Variants in TTLL11 observed in about 807,000 individuals in gnomAD.
TTLL11 encodes tubulin tyrosine ligase like 11, also known as tubulin polyglutamylase TTLL11.
In TTLL11, 42 loss-of-function variants were observed where a neutral mutation model predicts 51.7. That is an observed-to-expected ratio of 0.81 (90% confidence interval 0.64 to 1.05). TTLL11 has a LOEUF of 1.05. TTLL11 is among the 50% of genes least tolerant of loss of function. TTLL11 has a pLI of 0.00. For missense variants in TTLL11, 799 were observed against 940.4 expected, an observed-to-expected ratio of 0.85 and a Z score of 1.97; for synonymous variants, 381 against 383.5, an observed-to-expected ratio of 0.99 and a Z score of 0.08.
At chr9:122,011,957 C>T (rs529341005) in intron 3 of TTLL11, among the ~76,000 whole-genome samples, 13 of 152,176 alleles carry the variant, frequency 8.5e-5, no homozygotes, top group Non-Finnish European at 1.8e-4. Context: ...TGCATGTTTG[C>T]GTGAGGGGAA....
intron 3 of TTLL11, among the ~76,000 whole-genome samples, chr9:121,992,159 TTC>T (rs1163135538): frequency 6.6e-6 from 1 of 152,170 alleles, no homozygotes; most frequent in Non-Finnish European, 1.5e-5. Flanking sequence ...GTTTCAAATC[TTC>T]TGTCTGGGTT....
intron 6 of TTLL11, among the ~76,000 whole-genome samples, chr9:121,935,964 G>C (rs572464298): frequency 2.6e-5 from 4 of 152,338 alleles, no homozygotes; most frequent in Admixed American, 2.0e-4. Context: ...CCGCTTCTGG[G>C]AAAAGCAGCC....
intron 6 of TTLL11, among the ~76,000 whole-genome samples, chr9:121,871,379 A>T (rs1588083830): frequency 1.3e-5 from 2 of 152,330 alleles, no homozygotes; most frequent in South Asian, 4.1e-4. Flanking sequence ...TTCTCACCTT[A>T]GACCTATATA....
chr9:121,868,697 T>TA lies in TTLL11; in HGVS notation c.1733+1799dup, dbSNP rs1838253381. On this transcript the variant is annotated intron_variant, in intron 7 of 8. Coordinates refer to ENST00000321582, the MANE Select transcript of TTLL11 (RefSeq NM_001139442.2). The stretch of plus-strand genomic sequence containing the variant: ...GAACCCCCACTGCAAAAGTTCCTGT[T>TA]ATATGAAAGAAAGTTCCTATTTAAG... Among the ~76,000 whole-genome samples, 4 of 152,344 alleles carry TA rather than the reference T, an allele frequency of 2.6e-5. No individual in the cohort carries two copies. In the South Asian group the frequency reaches 8.3e-4, roughly 32 times the overall value.
chr9:121,977,019 T>C (rs1842727280), intron 4 of TTLL11, among the ~76,000 whole-genome samples: 3 of 152,192 alleles, frequency 2.0e-5, no homozygotes, highest in Admixed American at 1.3e-4. Flanking sequence ...TCATCAACTC[T>C]TACTTTTTGG....
chr9:121,843,095 G>A (rs943233062), intron 8 of TTLL11, among the ~76,000 whole-genome samples: 5 of 152,040 alleles, frequency 3.3e-5, no homozygotes, highest in African/African-American at 1.2e-4. Context: ...CCAGCACTAT[G>A]GGGGCCGAGG....
chr9:121,897,618 G>GCACGCACACACACACACACACACACA (rs769599519), intron 6 of TTLL11, among the ~76,000 whole-genome samples: 1 of 136,950 alleles, frequency 7.3e-6, no homozygotes, highest in East Asian at 2.3e-4. Context: ...TTCCCTCCAG[G>GCACGCACACACACACACACACACACA]CACACACACA....
intron 4 of TTLL11, among the ~76,000 whole-genome samples, chr9:121,986,390 T>G (rs1842941875): frequency 6.6e-6 from 1 of 152,254 alleles, no homozygotes; most frequent in South Asian, 2.1e-4. Context: ...CAAACAGATC[T>G]GACCACATGG....
intron 1 of TTLL11, among the ~76,000 whole-genome samples, chr9:122,078,137 C>T (rs902271904): frequency 3.3e-5 from 5 of 151,638 alleles, no homozygotes; most frequent in African/African-American, 1.2e-4. Context: ...AGCAAAGCAG[C>T]CAACTTAATA....
At chr9:121,916,432 G>T (rs1840330501) in intron 6 of TTLL11, among the ~76,000 whole-genome samples, 2 of 152,118 alleles carry the variant, frequency 1.3e-5, no homozygotes, top group Non-Finnish European at 2.9e-5. Context: ...GGGAAGATTT[G>T]CCTTTCAATC....
At chr9:122,034,025 G>T (rs1398394981) in intron 2 of TTLL11, among the ~76,000 whole-genome samples, 1 of 152,210 alleles carries the variant, frequency 6.6e-6, no homozygotes, top group Non-Finnish European at 1.5e-5. Flanking sequence ...GAATCCTTTT[G>T]CTTGAGGTTT....
chr9:121,975,541 G>T (rs778223355), intron 4 of TTLL11, among the ~76,000 whole-genome samples: 1 of 152,090 alleles, frequency 6.6e-6, no homozygotes, highest in Non-Finnish European at 1.5e-5. Context: ...GCAAAACATC[G>T]TTTCTACTAA....
chr9:122,080,188 G>T (rs1263532769), intron 1 of TTLL11, among the ~76,000 whole-genome samples: 1 of 152,134 alleles, frequency 6.6e-6, no homozygotes, highest in Non-Finnish European at 1.5e-5. Flanking sequence ...CCATAGGTTG[G>T]AGAAGATTCA....
chr9:122,014,145 A>G (rs1332957194), intron 3 of TTLL11, among the ~76,000 whole-genome samples: 1 of 152,122 alleles, frequency 6.6e-6, no homozygotes, highest in Non-Finnish European at 1.5e-5. Context: ...TGGGCAGATC[A>G]CTTAAGGCCA....
At chr9:121,985,812 G>A (rs1186834359) in intron 4 of TTLL11, among the ~76,000 whole-genome samples, 5 of 152,204 alleles carry the variant, frequency 3.3e-5, no homozygotes, top group Admixed American at 6.5e-5. Context: ...GAGCCACCGC[G>A]CCCGGCCCAA....
intron 6 of TTLL11, among the ~76,000 whole-genome samples, chr9:121,923,581 G>C (rs1248854025): frequency 6.6e-6 from 1 of 152,136 alleles, no homozygotes; most frequent in Non-Finnish European, 1.5e-5. Flanking sequence ...CATTGTTCCA[G>C]GTGCTTTAAA....
intron 6 of TTLL11, among the ~76,000 whole-genome samples, chr9:121,922,128 C>T (rs146388688): frequency 1.1e-3 from 170 of 152,236 alleles, no homozygotes; most frequent in Non-Finnish European, 1.8e-3. Flanking sequence ...AGGACAAACC[C>T]GTTAGGTTGA....
intron 6 of TTLL11, among the ~76,000 whole-genome samples, chr9:121,913,281 T>C (rs111258101): frequency 0.015 from 2,276 of 152,274 alleles, 59 homozygotes; most frequent in African/African-American, 0.052. Context: ...CTTCTGAAAA[T>C]GGTCAAAGTC....
At chr9:122,089,442 TACCA>T (rs1846205566) in intron 1 of TTLL11, among the ~76,000 whole-genome samples, 1 of 152,186 alleles carries the variant, frequency 6.6e-6, no homozygotes, top group Non-Finnish European at 1.5e-5. Context: ...ACTTTGTTAG[TACCA>T]GGGATATATA....
Sources: gnomAD v4.1 joint callset for allele counts (sites outside exome capture counted in the v4.1 genomes callset) on GRCh38, gnomAD v4.1.1 for gene constraint, MANE v1.5 for transcripts, NCBI Gene and HGNC (gene_info 2026-07-23, HGNC 2026-07-21) for gene names.